Variants in MRPS27 observed in about 807,000 individuals in gnomAD.
The protein encoded by MRPS27 is mitochondrial ribosomal protein S27.
In MRPS27, 43 loss-of-function variants were observed where a neutral mutation model predicts 48.9. The ratio of observed to expected loss-of-function variants is 0.88; its 90% confidence interval spans 0.69 to 1.13. The LOEUF is 1.13. MRPS27 is among the 50% of genes most tolerant of loss of function. The pLI is 0.00. For missense variants in MRPS27, 467 were observed against 476.3 expected (o/e 0.98, Z 0.18); for synonymous variants, 188 against 171.9 (o/e 1.09, Z -0.73).
chr5:72,261,623 T>C lies in MRPS27; in HGVS notation c.282-23495A>G, dbSNP rs1277834769. Among the ~76,000 whole-genome samples the C allele has an allele frequency of 2.6e-5, 4 of 152,202 alleles. No homozygotes were observed. In the East Asian group the frequency reaches 7.7e-4, roughly 29 times the overall value. ...AGTAGAAAACTGAAATAAATATTCA[T>C]ACTTTCAGAAGCAATGGCTGATACT... On this transcript the variant is annotated intron_variant, in intron 4 of 10. Coordinates refer to ENST00000261413, the MANE Select transcript of MRPS27 (RefSeq NM_015084.3).
intron 3 of MRPS27, among the ~76,000 whole-genome samples, chr5:72,297,127 A>G (rs191209645): frequency 1.3e-5 from 2 of 152,334 alleles, no homozygotes; most frequent in Admixed American, 1.3e-4. Context: ...AAAATAATGT[A>G]TGTTAAGGAA....
rs529487020 is a variant in MRPS27, at chr5:72,261,924, A to T, written c.282-23796T>A. Reference sequence around the variant, plus strand: ...CTGAGGCAGAGTCACGACTGCTGAAATGAGTCCCAGGACCAAAGGGTGATG... The same window carrying T: ...CTGAGGCAGAGTCACGACTGCTGAATTGAGTCCCAGGACCAAAGGGTGATG... On this transcript the variant is annotated intron_variant, in intron 4 of 10. Coordinates refer to ENST00000261413, the MANE Select transcript of MRPS27 (RefSeq NM_015084.3). Among the ~76,000 whole-genome samples the T allele has an allele frequency of 2.0e-5, 3 of 152,332 alleles. No homozygotes were observed. The South Asian group carries it at 6.2e-4, about 32-fold the overall frequency.
At chr5:72,232,331 T>G in intron 7 of MRPS27, 112 bp downstream of exon 7, 1 of 654,744 alleles carries the variant, frequency 1.5e-6, no homozygotes, top group Non-Finnish European at 2.6e-6. Context: ...AAACACACAT[T>G]CCTGGTTGTG....
chr5:72,260,176 T>C (rs1405771427), intron 4 of MRPS27, among the ~76,000 whole-genome samples: 3 of 152,264 alleles, frequency 2.0e-5, no homozygotes, highest in South Asian at 2.1e-4. Context: ...AATTTTCATA[T>C]GGATAAATAT....
chr5:72,237,918 T>C, intron 5 of MRPS27, 96 bp downstream of exon 5: 5 of 799,902 alleles, frequency 6.3e-6, no homozygotes, highest in Non-Finnish European at 1.0e-5. Flanking sequence ...TTTTTAAAGT[T>C]ATTTCTGGTG....
chr5:72,238,248 A>C (rs1396811269), intron 4 of MRPS27, 120 bp from the exon 5 acceptor site: 1 of 640,012 alleles, frequency 1.6e-6, no homozygotes, highest in Non-Finnish European at 2.7e-6. Context: ...AATTCATAAA[A>C]GTCAACAGTT....
At chr5:72,228,556 A>G in intron 7 of MRPS27, 188 bp from the exon 8 acceptor site, 1 of 445,852 alleles carries the variant, frequency 2.2e-6, no homozygotes, top group East Asian at 3.4e-5. Context: ...AAAATATAGG[A>G]AAGAAATACC....
At chr5:72,259,212 T>C (rs1474282523) in intron 4 of MRPS27, among the ~76,000 whole-genome samples, 1 of 152,190 alleles carries the variant, frequency 6.6e-6, no homozygotes, top group Non-Finnish European at 1.5e-5. Context: ...GCTCAGCCTG[T>C]AATCCCAGCA....
chr5:72,228,170 G>A, intron 8 of MRPS27, 96 bp downstream of exon 8: 1 of 1,112,398 alleles, frequency 9.0e-7, no homozygotes, highest in Non-Finnish European at 1.3e-6. Flanking sequence ...GGATTTCACT[G>A]GTAAATTTAA....
At chr5:72,247,315 A>C (rs10454919) in intron 4 of MRPS27, among the ~76,000 whole-genome samples, 9,695 of 152,246 alleles carry the variant, frequency 0.064, 552 homozygotes, top group African/African-American at 0.15. Flanking sequence ...AATGACTGTA[A>C]AAGACAATAA....
intron 4 of MRPS27, among the ~76,000 whole-genome samples, chr5:72,270,059 G>A (rs1749195849): frequency 6.6e-6 from 1 of 151,718 alleles, no homozygotes; most frequent in Non-Finnish European, 1.5e-5. Context: ...CAGGCATGGC[G>A]TCACATGCCT....
chr5:72,303,148 A>T (rs1051017530), intron 2 of MRPS27, among the ~76,000 whole-genome samples: 20 of 152,250 alleles, frequency 1.3e-4, no homozygotes, highest in African/African-American at 4.8e-4. Context: ...GAAAAGGGTT[A>T]AAGAATAGGA....
At chr5:72,270,752 A>G (rs1459806980) in intron 4 of MRPS27, among the ~76,000 whole-genome samples, 1 of 152,192 alleles carries the variant, frequency 6.6e-6, no homozygotes, top group Non-Finnish European at 1.5e-5. Context: ...GTTACTGAAA[A>G]CTTAAAAAAT....
At chr5:72,250,964 C>T (rs1166605394) in intron 4 of MRPS27, among the ~76,000 whole-genome samples, 2 of 152,064 alleles carry the variant, frequency 1.3e-5, no homozygotes, top group African/African-American at 4.8e-5. Context: ...AAGTTATATC[C>T]AGTTTATCTG....
chr5:72,312,429 A>G (rs1362902631), intron 2 of MRPS27, among the ~76,000 whole-genome samples: 2 of 152,214 alleles, frequency 1.3e-5, no homozygotes, highest in South Asian at 2.1e-4. Context: ...TGAATTTGCC[A>G]GTATACCGCA....
chr5:72,273,312 A>G (rs766776330), intron 4 of MRPS27, among the ~76,000 whole-genome samples: 3 of 152,214 alleles, frequency 2.0e-5, no homozygotes, highest in Non-Finnish European at 4.4e-5. Flanking sequence ...TGTTTAAGTA[A>G]TTTTGTTTTT....
At chr5:72,295,687 A>AC in intron 3 of MRPS27, 98 bp from the exon 4 acceptor site, 1 of 864,834 alleles carries the variant, frequency 1.2e-6, no homozygotes, top group East Asian at 2.5e-5. Context: ...AACACAGGAC[A>AC]CCCATTTTAT....
chr5:72,297,683 CAT>C lies in MRPS27; in HGVS notation c.169_170del (p.Met57GlyfsTer2). The C allele has an allele frequency of 6.3e-7, 1 of 1,598,980 alleles. No homozygotes were observed. The highest frequency in any genetic ancestry group is 8.5e-7 in the Non-Finnish European group (1 of 1,173,538). On this transcript the variant is annotated frameshift_variant, in exon 3 of 11. Transcript: ENST00000261413. LOFTEE classifies it high-confidence loss of function. Reference protein sequence around the residue: ...HYCLADLASLMDKTFERKLPV... With the variant: ...HYCLADLASLXDKTFERKLPV... Reference sequence around the variant, plus strand: ...GCAACTTTCTCTCAAATGTTTTATCCATTAAAGATGCAAGATCAGCTGTGAAG... The same window carrying C: ...GCAACTTTCTCTCAAATGTTTTATCCTAAAGATGCAAGATCAGCTGTGAAG...
Position 72,257,423 on chromosome 5 carries a change from C to T in MRPS27, c.282-19295G>A, listed in dbSNP as rs116457691. On this transcript the variant is annotated intron_variant, in intron 4 of 10. Transcript: ENST00000261413. ...CTAGCTGGTAAGTTTTCTGTTTCTTCTCTCTCAGAGGGCTGCTAGTGAAAA... is the reference window on the plus strand; with the variant it reads ...CTAGCTGGTAAGTTTTCTGTTTCTTTTCTCTCAGAGGGCTGCTAGTGAAAA... Among the ~76,000 whole-genome samples, 566 of 152,274 alleles carry T rather than the reference C, an allele frequency of 3.7e-3. 1 individual carries two copies. Among genetic ancestry groups the T allele is most frequent in the African/African-American group, 0.013 (550 of 41,556 alleles).
Sources: allele counts gnomAD v4.1 joint callset (sites outside exome capture counted in the v4.1 genomes callset), GRCh38; gene constraint gnomAD v4.1.1; transcripts MANE v1.5; gene names NCBI Gene and HGNC (gene_info 2026-07-23, HGNC 2026-07-21).